The following FADS2 variants were observed in gnomAD, a reference collection of about 807,000 sequenced individuals.
The protein encoded by FADS2 is fatty acid desaturase 2.
A neutral mutation model predicts 61.2 loss-of-function variants in FADS2; 18 were observed. The observed-to-expected ratio is 0.29, with a 90% confidence interval of 0.20 to 0.44. The LOEUF (loss-of-function observed/expected upper bound fraction) is 0.44, where lower values mean the gene tolerates loss of function less well. FADS2 is among the 20% of genes least tolerant of loss of function. FADS2 has a pLI of 1.00. For synonymous variants in FADS2, 203 were observed against 223.9 expected (o/e 0.91, Z 0.83); for missense variants, 322 against 572.7 (o/e 0.56, Z 4.47).
In FADS2 at chr11:61,816,619, T is replaced by C. The variant is rs1293989614; in HGVS notation, c.141+193T>C. The stretch of plus-strand genomic sequence containing the variant: ...GCCCCCTGGATGCCGGCGGGTGAAC[T>C]CGCTGATGTTGTACACCTTACGGTC... On this transcript the variant is annotated intron_variant, in intron 1 of 11. Coordinates refer to the FADS2 transcript ENST00000257261. The surrounding 1 kb of genome is among the most constrained non-coding windows in gnomAD (Gnocchi z 7.0). The C allele has an allele frequency of 6.2e-7, 1 of 1,602,698 alleles. No homozygotes were observed. The highest frequency in any genetic ancestry group is 1.3e-5 in the African/African-American group (1 of 74,742).
At chr11:61,819,700 A>T (rs2067022776) in intron 1 of FADS2, among the ~76,000 whole-genome samples, 1 of 152,224 alleles carries the variant, frequency 6.6e-6, no homozygotes, top group Non-Finnish European at 1.5e-5. Context: ...AGAATCAAGG[A>T]AAAATGTTTT....
chr11:61,857,318 C>T (rs1222433892), intron 6 of FADS2, 136 bp from the exon 7 acceptor site: 37 of 825,646 alleles, frequency 4.5e-5, no homozygotes, highest in Non-Finnish European at 5.7e-5. Context: ...TCTCTGCAGG[C>T]CCCGGGGTCC....
rs972473628 is a variant in FADS2, at chr11:61,857,204, C to T, written c.805+133C>T. 2.1e-4 allele frequency: 176 copies of T among 846,954 alleles called. No individual in the cohort carries two copies. The Admixed American group carries it at 3.5e-3, about 17-fold the overall frequency. 52.5% of individuals were successfully genotyped at this position (846,954 alleles called of 1,614,324 possible). A position where few individuals can be genotyped will look rare whatever the true frequency, so the allele number is the denominator to read the frequency against. The stretch of plus-strand genomic sequence containing the variant: ...AACTTGTTAGAAGCGGGGGCCACAG[C>T]AGCCTTGCTGTGCAGACCCCTCAGC... On this transcript the variant is annotated intron_variant, in intron 6 of 11. Transcript: ENST00000278840.
chr11:61,854,749 G>A (rs577873681), intron 5 of FADS2: 1 of 152,416 alleles, frequency 6.6e-6, no homozygotes, highest in South Asian at 2.1e-4. Flanking sequence ...GTTTGGGAGG[G>A]GAGTATTGGC....
At position 61,816,789 on chromosome 11, in the gene FADS2, A is replaced by C. The variant is rs2066989156; in HGVS notation, c.141+363A>C. The C allele has an allele frequency of 6.6e-7, 1 of 1,513,210 alleles. No homozygotes were observed. Among genetic ancestry groups the C allele is most frequent in the Non-Finnish European group, 8.8e-7 (1 of 1,137,694 alleles). The allele number at this position is 1,513,210 out of a possible 1,614,324, so 93.7% of individuals were successfully genotyped here. On this transcript the variant is annotated intron_variant, in intron 1 of 11. Transcript: ENST00000257261. The surrounding 1 kb of genome is among the most constrained non-coding windows in gnomAD (Gnocchi z 7.0). ...GCCTGGCGACGCCGCGCGCCGGGCC[A>C]GCAGGGGCTGTCAGGCGCGTGCTCG...
chr11:61,863,191 G>C, intron 8 of FADS2, 91 bp from the exon 9 acceptor site: 2 of 1,441,676 alleles, frequency 1.4e-6, no homozygotes, highest in South Asian at 2.3e-5. Context: ...CCCCTTGGCA[G>C]GGGCTGTCCT....
chr11:61,821,513 A>T, intron 1 of FADS2: 1 of 687,946 alleles, frequency 1.5e-6, no homozygotes, highest in East Asian at 2.7e-5. Flanking sequence ...TCCTAAACAT[A>T]ATAGTTGGCC....
chr11:61,851,410 G>T (rs898510849), intron 5 of FADS2, among the ~76,000 whole-genome samples: 1 of 152,198 alleles, frequency 6.6e-6, no homozygotes, highest in Non-Finnish European at 1.5e-5. Context: ...GTGAGGATCT[G>T]GTTGTTCAGT....
intron 4 of FADS2, among the ~76,000 whole-genome samples, chr11:61,842,784 A>G (rs1227085646): frequency 6.6e-6 from 1 of 152,170 alleles, no homozygotes; most frequent in Admixed American, 6.5e-5. Context: ...TGGCTCTAGC[A>G]CTCGGCAGGT....
chr11:61,824,587 A>G (rs1327421908), upstream of FADS2, among the ~76,000 whole-genome samples: 1 of 152,118 alleles, frequency 6.6e-6, no homozygotes, highest in Non-Finnish European at 1.5e-5. Context: ...GAGGTCTAAC[A>G]TCACATGGTA....
chr11:61,850,104 G>A (rs2067292567), intron 5 of FADS2, among the ~76,000 whole-genome samples: 1 of 152,016 alleles, frequency 6.6e-6, no homozygotes, highest in African/African-American at 2.4e-5. Flanking sequence ...GAATGTGGAT[G>A]CCCTTCCCCC....
rs139066279 is a variant in FADS2 at position 61,822,261 on chromosome 11, G to A, written c.141+5835G>A. 1.6e-4 allele frequency among the ~76,000 whole-genome samples: 24 copies of A among 152,308 alleles called. No individual in the cohort carries two copies. The East Asian group carries it at 1.9e-3, about 12-fold the overall frequency. ...TGGGATTACAGGCGTGAGCCACCGC[G>A]CCCGGCCCAGTCTTCTTATCATTGT... On this transcript the variant is annotated intron_variant, in intron 1 of 11. Transcript: ENST00000257261.
rs2067431444 is a variant in FADS2, at chr11:61,863,075, T to C, written c.980+6T>C. On this transcript the variant is annotated splice_donor_region_variant and intron_variant, in intron 8 of 11. Transcript: ENST00000278840. ...CTTTTCCTCAACTTCATCAGGTGCC[T>C]GGGCTTTGCTGATTCATCCCTGGGC... 2 of 1,610,920 alleles carry C rather than the reference T, an allele frequency of 1.2e-6. No individual in the cohort carries two copies. The highest frequency in any genetic ancestry group is 1.3e-5 in the African/African-American group (1 of 75,032).
At chr11:61,818,563 A>G (rs1462057849) in intron 1 of FADS2, among the ~76,000 whole-genome samples, 2 of 152,260 alleles carry the variant, frequency 1.3e-5, no homozygotes, top group African/African-American at 4.8e-5. Context: ...CAATAAGAAA[A>G]TCGCCAAGCT....
At chr11:61,841,340 G>A (rs1043968630) in intron 4 of FADS2, among the ~76,000 whole-genome samples, 1 of 152,044 alleles carries the variant, frequency 6.6e-6, no homozygotes, top group Non-Finnish European at 1.5e-5. Context: ...GTGAGCCACC[G>A]CATCCGGCCT....
intron 1 of FADS2, among the ~76,000 whole-genome samples, chr11:61,833,407 A>C (rs2067145201): frequency 6.6e-6 from 1 of 152,152 alleles, no homozygotes; most frequent in Non-Finnish European, 1.5e-5. Flanking sequence ...AGCGTTTGAG[A>C]CACATTTATG....
intron 1 of FADS2, among the ~76,000 whole-genome samples, chr11:61,836,089 T>TTTTG (rs146575878): frequency 0.018 from 2,670 of 152,206 alleles, 75 homozygotes; most frequent in African/African-American, 0.061. Flanking sequence ...CAGGATGTTG[T>TTTTG]TTTGTTTGTT....
chr11:61,835,356 T>C (rs1461987883), intron 1 of FADS2, among the ~76,000 whole-genome samples: 4 of 151,570 alleles, frequency 2.6e-5, no homozygotes, highest in Non-Finnish European at 5.9e-5. Context: ...GCTGAAAAGA[T>C]TTCCAGGAGT....
intron 7 of FADS2, among the ~76,000 whole-genome samples, chr11:61,861,365 A>AAAAAAAAC (rs1555078418): frequency 0.026 from 3,433 of 130,710 alleles, 317 homozygotes; most frequent in African/African-American, 0.097. Flanking sequence ...AAAAAAAAAA[A>AAAAAAAAC]AAAAAACAGA....
Sources: gnomAD v4.1 joint callset for allele counts (sites outside exome capture counted in the v4.1 genomes callset) on GRCh38, gnomAD v4.1.1 for gene constraint, Gnocchi (gnomAD v3.1) non-coding constraint, MANE v1.5 for transcripts, NCBI Gene and HGNC (gene_info 2026-07-23, HGNC 2026-07-21) for gene names.